GNG12: variants seen among roughly 807,000 people sequenced by gnomAD.
GNG12 encodes the protein guanine nucleotide-binding protein G(I)/G(S)/G(O) subunit gamma-12.
For missense variants in GNG12, 69 were observed against 83.8 expected (o/e 0.82, Z 0.69); for synonymous variants, 28 against 29.7 (o/e 0.94, Z 0.19).
chr1:67,730,292 G>C (rs921473288), intron 2 of GNG12, among the ~76,000 whole-genome samples: 3 of 152,202 alleles, frequency 2.0e-5, no homozygotes, highest in Admixed American at 6.5e-5. Flanking sequence ...ATGAGGCCAG[G>C]AGTCCGAGAC....
At chr1:67,782,735 A>T (rs548691578) in intron 1 of GNG12, among the ~76,000 whole-genome samples, 68 of 152,338 alleles carry the variant, frequency 4.5e-4, no homozygotes, top group Admixed American at 8.5e-4. Context: ...GTAAACAAGA[A>T]ATTGAAATGT....
intron 2 of GNG12, among the ~76,000 whole-genome samples, chr1:67,712,057 G>A (rs935482828): frequency 2.0e-5 from 3 of 152,198 alleles, no homozygotes; most frequent in Non-Finnish European, 2.9e-5. Flanking sequence ...ACTTCCTTCC[G>A]ACTTGCAGCT....
At chr1:67,740,926 G>T (rs1333619537) in intron 2 of GNG12, among the ~76,000 whole-genome samples, 1 of 152,066 alleles carries the variant, frequency 6.6e-6, no homozygotes, top group African/African-American at 2.4e-5. Flanking sequence ...TGGTATTTTT[G>T]CTGTTACAAC....
At chr1:67,792,812 T>C (rs1273819875) in intron 1 of GNG12, among the ~76,000 whole-genome samples, 3 of 152,230 alleles carry the variant, frequency 2.0e-5, no homozygotes, top group East Asian at 1.9e-4. Context: ...TGGAAGAGAC[T>C]AGAAGGGAGT....
intron 2 of GNG12, among the ~76,000 whole-genome samples, chr1:67,732,907 C>A (rs1382607224): frequency 6.6e-6 from 1 of 152,200 alleles, no homozygotes; most frequent in Non-Finnish European, 1.5e-5. Context: ...TTGGTCCAGG[C>A]CTGAGTGATT....
intron 1 of GNG12, among the ~76,000 whole-genome samples, chr1:67,784,518 A>T (rs1024532901): frequency 5.6e-4 from 41 of 72,844 alleles, no homozygotes; most frequent in African/African-American, 1.7e-3. Context: ...AATTTCTATT[A>T]AAAAAAAAGA....
At chr1:67,777,704 T>C (rs1299195175) in intron 1 of GNG12, among the ~76,000 whole-genome samples, 197 bp from the exon 2 acceptor site, 1 of 152,204 alleles carries the variant, frequency 6.6e-6, no homozygotes, top group Non-Finnish European at 1.5e-5. Context: ...GAGCATGCTC[T>C]CATCTACTTT....
At chr1:67,785,053 A>C (rs1010486900) in intron 1 of GNG12, among the ~76,000 whole-genome samples, 2 of 152,152 alleles carry the variant, frequency 1.3e-5, no homozygotes, top group Non-Finnish European at 2.9e-5. Flanking sequence ...TCTTTCTCTG[A>C]GTCACAGGAC....
chr1:67,708,570 A>G (rs1211961098), intron 2 of GNG12, among the ~76,000 whole-genome samples: 1 of 152,152 alleles, frequency 6.6e-6, no homozygotes, highest in Non-Finnish European at 1.5e-5. Context: ...CCTGGTGTAA[A>G]GCAATGGAAA....
At chr1:67,819,932 G>A (rs1557627575) in intron 1 of GNG12, among the ~76,000 whole-genome samples, 1 of 152,032 alleles carries the variant, frequency 6.6e-6, no homozygotes, top group Non-Finnish European at 1.5e-5. Flanking sequence ...TCCATCCCCA[G>A]TCCATCTCTC....
chr1:67,743,916 T>C (rs1646495583), intron 2 of GNG12, among the ~76,000 whole-genome samples: 1 of 152,232 alleles, frequency 6.6e-6, no homozygotes, highest in African/African-American at 2.4e-5. Context: ...AAATGGTATT[T>C]ATTTGTCAGT....
At chr1:67,762,057 T>A (rs1270792418) in intron 2 of GNG12, among the ~76,000 whole-genome samples, 1 of 152,160 alleles carries the variant, frequency 6.6e-6, no homozygotes, top group Non-Finnish European at 1.5e-5. Context: ...GGTGAGAACA[T>A]ACATTAGATA....
At chr1:67,797,027 G>A (rs956928929) in intron 1 of GNG12, among the ~76,000 whole-genome samples, 1 of 152,130 alleles carries the variant, frequency 6.6e-6, no homozygotes, top group Non-Finnish European at 1.5e-5. Flanking sequence ...CCATGCGGAG[G>A]GCACCAAGTT....
At chr1:67,806,043 T>G (rs1405804953) in intron 1 of GNG12, among the ~76,000 whole-genome samples, 1 of 150,616 alleles carries the variant, frequency 6.6e-6, no homozygotes, top group Non-Finnish European at 1.5e-5. Flanking sequence ...CCCTGAAAAA[T>G]TATCCTTCAA....
chr1:67,773,173 G>A lies in GNG12; in HGVS notation c.-27+4285C>T, dbSNP rs116402780. 2.9e-3 allele frequency among the ~76,000 whole-genome samples: 441 copies of A among 152,296 alleles called. 2 individuals are homozygous for A. Among genetic ancestry groups the A allele is most frequent in the South Asian group, 0.019 (94 of 4,822 alleles). ...AGTCCCAAAGGAAATTCTCCTTCAC[G>A]GGTAGTTCTTGTGGAATTCTGGGCT... On this transcript the variant is annotated intron_variant, in intron 2 of 3. Coordinates refer to ENST00000370982, the MANE Select transcript of GNG12 (RefSeq NM_018841.6).
chr1:67,721,629 C>T (rs772542892), intron 2 of GNG12, among the ~76,000 whole-genome samples: 1 of 152,148 alleles, frequency 6.6e-6, no homozygotes, highest in South Asian at 2.1e-4. Flanking sequence ...TAGCATTATC[C>T]TAGGACTAAG....
chr1:67,704,326 T>A lies in GNG12; in HGVS notation c.*1125A>T, dbSNP rs1043295384. ...CATCCTGACAGCTTGCATTTTTTTT[T>A]TAATTTTTTTTTTCCTCACCGTATT... On this transcript the variant is annotated 3_prime_UTR_variant, in exon 4 of 4. Transcript: ENST00000370982. 10 of 152,184 alleles carry A rather than the reference T, an allele frequency of 6.6e-5. No individual in the cohort carries two copies. The highest frequency in any genetic ancestry group is 2.4e-4 in the African/African-American group (10 of 41,436). 9.4% of individuals were successfully genotyped at this position (152,184 alleles called of 1,614,324 possible).
At chr1:67,787,395 T>C (rs1196818650) in intron 1 of GNG12, among the ~76,000 whole-genome samples, 2 of 152,084 alleles carry the variant, frequency 1.3e-5, no homozygotes, top group Non-Finnish European at 2.9e-5. Flanking sequence ...AAGAGTTCTC[T>C]AGTGGAGTCC....
chr1:67,821,536 C>A (rs1646984706), intron 1 of GNG12, among the ~76,000 whole-genome samples: 2 of 152,132 alleles, frequency 1.3e-5, no homozygotes, highest in South Asian at 4.1e-4. Flanking sequence ...CCTAAATGAG[C>A]CTAGAAATGA....
Sources: allele counts gnomAD v4.1 joint callset (sites outside exome capture counted in the v4.1 genomes callset), GRCh38; gene constraint gnomAD v4.1.1; transcripts MANE v1.5; gene names NCBI Gene and HGNC (gene_info 2026-07-23, HGNC 2026-07-21).